The following USH2A variants were observed in gnomAD, a reference collection of about 807,000 sequenced individuals.
The protein encoded by USH2A is Usher syndrome 2A (autosomal recessive, mild).
In USH2A, 443 loss-of-function variants were observed where a neutral mutation model predicts 538.9. The ratio of observed to expected loss-of-function variants is 0.82; its 90% confidence interval spans 0.76 to 0.89. The LOEUF (loss-of-function observed/expected upper bound fraction) is 0.89. Among genes scored for constraint, USH2A ranks in the 40% least tolerant of loss-of-function variants. The pLI is 0.00. For missense variants in USH2A, 6,633 were observed against 6,324.8 expected, an observed-to-expected ratio of 1.05 and a Z score of -1.65; for synonymous variants, 2,413 against 2,273.5, an observed-to-expected ratio of 1.06 and a Z score of -1.75.
chr1:215,798,973 G>C lies in USH2A; in HGVS notation c.9892C>G (p.Gln3298Glu). 1 of 1,614,064 alleles carries C rather than the reference G, an allele frequency of 6.2e-7. No individual in the cohort carries two copies. Among genetic ancestry groups the C allele is most frequent in the Non-Finnish European group, 8.5e-7 (1 of 1,180,008 alleles). The change falls in exon 50 of 72, where the codon CAG becomes GAG. Residue 3298 changes from glutamine (Q) to glutamate (E), a missense_variant. Gln to Glu is a conservative substitution (Grantham distance 29). Coordinates refer to ENST00000307340, the MANE Select transcript of USH2A (RefSeq NM_206933.4). ...CACTCTAAATCGTTGCTCACAATCT[G>C]TCTGCCACAGCACTTCTGGCCATGG... The part of the protein sequence containing the change: ...DGHGQKCCGR[Q>E]IVSNDLECCG...
At position 216,084,795 on chromosome 1, in the gene USH2A, A is replaced by C. The variant is rs1490986868; in HGVS notation, c.5070T>G (p.Pro1690=). ...GTTCTTCAGAACTCTGCCAATCCAG[A>C]GGTTCCCAAATAGCTGACGGATTGT... ...KNYNPSAIWE[P]LDWQSSEEQI... The change falls in exon 25 of 72, where the codon CCT becomes CCG. Residue 1690 remains proline, a synonymous_variant. Coordinates refer to ENST00000307340, the MANE Select transcript of USH2A (RefSeq NM_206933.4). 3 of 1,613,610 alleles carry C rather than the reference A, an allele frequency of 1.9e-6. No individual in the cohort carries two copies. The highest frequency in any genetic ancestry group is 4.5e-5 in the East Asian group (2 of 44,862).
intron 32 of USH2A, among the ~76,000 whole-genome samples, chr1:216,028,148 G>A (rs753819239): frequency 2.2e-4 from 33 of 152,122 alleles, no homozygotes; most frequent in Non-Finnish European, 3.5e-4. Context: ...AGCACTTTGG[G>A]AAGCCAAGGT....
chr1:215,751,561 G>T (rs770525785), intron 58 of USH2A, among the ~76,000 whole-genome samples: 1 of 152,032 alleles, frequency 6.6e-6, no homozygotes, highest in South Asian at 2.1e-4. Flanking sequence ...AAACAGCAGG[G>T]ATATCTATCT....
At chr1:215,758,828 T>C in intron 57 of USH2A, 76 bp from the exon 58 acceptor site, 1 of 1,502,408 alleles carries the variant, frequency 6.7e-7, no homozygotes. Flanking sequence ...AGTTTTTGTA[T>C]CAATTGCTTA....
chr1:215,924,725 G>A (rs1275149876), intron 38 of USH2A, among the ~76,000 whole-genome samples: 2 of 151,660 alleles, frequency 1.3e-5, no homozygotes, highest in Non-Finnish European at 2.9e-5. Flanking sequence ...GAACTTAAAG[G>A]AACAATATTT....
chr1:215,712,257 A>T (rs1012668902), intron 61 of USH2A, among the ~76,000 whole-genome samples: 1 of 152,236 alleles, frequency 6.6e-6, no homozygotes, highest in African/African-American at 2.4e-5. Context: ...TATAAATCAG[A>T]TATTAAACAT....
Position 215,981,374 on chromosome 1 carries a change from T to C in USH2A, c.6806-10598A>G, listed in dbSNP as rs561810630. On this transcript the variant is annotated intron_variant, in intron 35 of 71. Coordinates refer to ENST00000307340, the MANE Select transcript of USH2A (RefSeq NM_206933.4). Reference sequence around the variant, plus strand: ...TATTTATCTTTGTGGGCCCTTATAGTATATTTTGATAAAAAATAAATGTTA... The same window carrying C: ...TATTTATCTTTGTGGGCCCTTATAGCATATTTTGATAAAAAATAAATGTTA... Among the ~76,000 whole-genome samples the C allele has an allele frequency of 7.9e-5, 12 of 152,264 alleles. No homozygotes were observed. In the South Asian group the frequency reaches 2.1e-3, roughly 26 times the overall value.
chr1:215,861,455 A>C (rs965994709), intron 44 of USH2A, among the ~76,000 whole-genome samples: 4 of 152,210 alleles, frequency 2.6e-5, no homozygotes, highest in African/African-American at 9.6e-5. Context: ...CTCATGTAAT[A>C]GCTTCAAAGT....
At position 216,266,411 on chromosome 1, in the gene USH2A, C is replaced by T. The variant is rs150258699; in HGVS notation, c.1972-15313G>A. 3.3e-3 allele frequency among the ~76,000 whole-genome samples: 500 copies of T among 152,152 alleles called. 3 individuals are homozygous for T. The highest frequency in any genetic ancestry group is 0.011 in the African/African-American group (469 of 41,556). On this transcript the variant is annotated intron_variant, in intron 11 of 71. Coordinates refer to ENST00000307340, the MANE Select transcript of USH2A (RefSeq NM_206933.4). ...TAAACTAAAAAGCTAAGAATGGTAC[C>T]TTCCAAATTATGAGTAAAGTTATTT... is the stretch of plus-strand genomic sequence containing the variant.
intron 11 of USH2A, among the ~76,000 whole-genome samples, chr1:216,262,732 T>C (rs1369914436): frequency 6.6e-6 from 1 of 151,788 alleles, no homozygotes; most frequent in Non-Finnish European, 1.5e-5. Flanking sequence ...GCTCAAAAGT[T>C]CCCAAATGTA....
intron 54 of USH2A, among the ~76,000 whole-genome samples, chr1:215,781,278 C>T (rs1661627630): frequency 6.6e-6 from 1 of 152,174 alleles, no homozygotes; most frequent in Admixed American, 6.6e-5. Flanking sequence ...CAAGTACTAT[C>T]TGCTTCCGCC....
At chr1:215,866,864 C>T in intron 44 of USH2A, 143 bp downstream of exon 44, 2 of 1,135,546 alleles carry the variant, frequency 1.8e-6, no homozygotes, top group Non-Finnish European at 2.5e-6. Flanking sequence ...CAATGACAGC[C>T]CTGTCAATCT....
intron 47 of USH2A, among the ~76,000 whole-genome samples, chr1:215,819,855 G>A (rs1198851878): frequency 2.6e-5 from 4 of 151,746 alleles, no homozygotes; most frequent in African/African-American, 9.7e-5. Flanking sequence ...AGAGTATTGG[G>A]TTTAACATCT....
chr1:216,087,577 A>T (rs544549897), intron 23 of USH2A, among the ~76,000 whole-genome samples: 138 of 152,184 alleles, frequency 9.1e-4, no homozygotes, highest in African/African-American at 3.0e-3. Flanking sequence ...TTCAGACTCA[A>T]GCAGCCATAG....
chr1:215,777,854 C>T (rs1661510051), intron 55 of USH2A, among the ~76,000 whole-genome samples: 1 of 152,146 alleles, frequency 6.6e-6, no homozygotes, highest in Non-Finnish European at 1.5e-5. Context: ...TTAAAAACAT[C>T]TCTTACAAGG....
chr1:216,192,988 T>TA (rs1440311658), intron 19 of USH2A, among the ~76,000 whole-genome samples: 1 of 152,124 alleles, frequency 6.6e-6, no homozygotes, highest in African/African-American at 2.4e-5. Flanking sequence ...AGACGTGTGA[T>TA]ACAGCTAATA....
At chr1:215,626,539 T>G (rs1451827731) in intron 71 of USH2A, among the ~76,000 whole-genome samples, 1 of 151,980 alleles carries the variant, frequency 6.6e-6, no homozygotes, top group Non-Finnish European at 1.5e-5. Context: ...CAAATAGGGT[T>G]AGTAATGTTG....
chr1:215,747,890 G>GTTTT (rs1553258116), intron 58 of USH2A, among the ~76,000 whole-genome samples: 65 of 91,232 alleles, frequency 7.1e-4, no homozygotes, highest in African/African-American at 2.4e-3. Flanking sequence ...TTGTTTGTTT[G>GTTTT]GTTTTTTTTT....
intron 38 of USH2A, among the ~76,000 whole-genome samples, chr1:215,902,631 T>C (rs1665531377): frequency 6.6e-6 from 1 of 152,078 alleles, no homozygotes; most frequent in Non-Finnish European, 1.5e-5. Flanking sequence ...GTAAAAAGAA[T>C]TGGGCAGTTT....
Sources: gnomAD v4.1 joint callset for allele counts (sites outside exome capture counted in the v4.1 genomes callset) on GRCh38, gnomAD v4.1.1 for gene constraint, MANE v1.5 for transcripts, NCBI Gene and HGNC (gene_info 2026-07-23, HGNC 2026-07-21) for gene names.